DEPDC5: variants seen among roughly 807,000 people sequenced by gnomAD.
The protein encoded by DEPDC5 is DEP domain containing 5, GATOR1 subcomplex subunit.
A neutral mutation model predicts 217.3 loss-of-function variants in DEPDC5; 73 were observed. The ratio of observed to expected loss-of-function variants is 0.34; its 90% confidence interval spans 0.28 to 0.41. DEPDC5 has a LOEUF of 0.41. Among genes scored for constraint, DEPDC5 ranks in the 10% least tolerant of loss-of-function variants. DEPDC5 has a pLI of 1.00. For missense variants in DEPDC5, 1,675 were observed against 2,070.1 expected (o/e 0.81, Z 3.70); for synonymous variants, 733 against 756.7 (o/e 0.97, Z 0.51).
At chr22:31,779,711 C>T (rs564328306) in intron 8 of DEPDC5, among the ~76,000 whole-genome samples, 1 of 152,270 alleles carries the variant, frequency 6.6e-6, no homozygotes, top group Non-Finnish European at 1.5e-5. Context: ...CAAAGGTCAA[C>T]TTTTCTCTGT....
chr22:31,806,966 T>G (rs1003810212), intron 18 of DEPDC5, among the ~76,000 whole-genome samples: 1 of 152,218 alleles, frequency 6.6e-6, no homozygotes, highest in Non-Finnish European at 1.5e-5. Flanking sequence ...GAGCTATAAT[T>G]GCGCCATTGC....
At chr22:31,882,778 T>G (rs1193326288) in intron 38 of DEPDC5, among the ~76,000 whole-genome samples, 1 of 152,110 alleles carries the variant, frequency 6.6e-6, no homozygotes, top group Non-Finnish European at 1.5e-5. Context: ...CTCTTCTTTC[T>G]CCTCTTCTCT....
rs982263958 is a variant in DEPDC5 at position 31,842,995 on chromosome 22, A to G, written c.2516-100A>G. 1.3e-5 allele frequency: 11 copies of G among 838,326 alleles called. No homozygotes were observed. In the African/African-American group the frequency reaches 1.7e-4, roughly 13 times the overall value. The allele number at this position is 838,326 out of a possible 1,614,324, so 51.9% of individuals were successfully genotyped here. A position where few individuals can be genotyped will look rare whatever the true frequency, so the allele number is the denominator to read the frequency against. ...CTTCCATGAAACTGCCCCTAAGAGA[A>G]AGTGTTACATTGTTTTCTGAATCTA... On this transcript the variant is annotated intron_variant, in intron 27 of 42. Transcript: ENST00000651528.
chr22:31,848,828 C>A (rs182215227), intron 31 of DEPDC5, among the ~76,000 whole-genome samples: 1 of 152,306 alleles, frequency 6.6e-6, no homozygotes, highest in African/African-American at 2.4e-5. Flanking sequence ...TTATGCTCTG[C>A]TTCCTCTTGA....
intron 10 of DEPDC5, among the ~76,000 whole-genome samples, chr22:31,786,893 C>A (rs1208165686): frequency 1.3e-5 from 2 of 151,966 alleles, no homozygotes; most frequent in Non-Finnish European, 2.9e-5. Flanking sequence ...GTTCTCCTGC[C>A]TCACCCTCCT....
rs777976417 is a variant in DEPDC5 at position 31,792,007 on chromosome 22, C to A, written c.625-26C>A. The A allele has an allele frequency of 2.6e-6, 4 of 1,532,504 alleles. No individual in the cohort carries two copies. The Admixed American group carries it at 5.1e-5, about 20-fold the overall frequency. 94.9% of individuals were successfully genotyped at this position (1,532,504 alleles called of 1,614,324 possible). A position where few individuals can be genotyped will look rare whatever the true frequency, so the allele number is the denominator to read the frequency against. On this transcript the variant is annotated intron_variant, in intron 10 of 42. Coordinates refer to ENST00000651528, the MANE Select transcript of DEPDC5 (RefSeq NM_001242896.3). The stretch of plus-strand genomic sequence containing the variant: ...GTGAAGTAAATGAAACAAACTTCAA[C>A]CCTGTTGTTCTCTACTCATGCTTAG...
intron 15 of DEPDC5, among the ~76,000 whole-genome samples, chr22:31,803,713 A>G (rs1365398585): frequency 1.3e-5 from 2 of 152,066 alleles, no homozygotes; most frequent in Admixed American, 1.3e-4. Context: ...ACGCCACTGC[A>G]TGTCAGCCTG....
At position 31,764,447 on chromosome 22, in the gene DEPDC5, A is replaced by G. The variant is rs562401533; in HGVS notation, c.194-528A>G. 3.3e-5 allele frequency among the ~76,000 whole-genome samples: 5 copies of G among 151,766 alleles called. No individual in the cohort carries two copies. The East Asian group carries it at 9.8e-4, about 30-fold the overall frequency. On this transcript the variant is annotated intron_variant, in intron 4 of 42. Coordinates refer to ENST00000651528, the MANE Select transcript of DEPDC5 (RefSeq NM_001242896.3). ...TATTTATTTATTGAGACAGAGTCTC[A>G]TTCTGTCACCCAGGTTGGAGTGCAG...
chr22:31,855,681 T>G lies in DEPDC5; in HGVS notation c.3156-1764T>G, dbSNP rs928003726. Among the ~76,000 whole-genome samples, 3 of 152,102 alleles carry G rather than the reference T, an allele frequency of 2.0e-5. No homozygotes were observed. The East Asian group carries it at 5.8e-4, about 29-fold the overall frequency. The stretch of plus-strand genomic sequence containing the variant: ...GCGTGAGCCACTGCGCCTGGCCAAC[T>G]TCAAAATATTTCATGTGGGTAGGCA... On this transcript the variant is annotated intron_variant, in intron 31 of 42. Transcript: ENST00000651528.
intron 38 of DEPDC5, chr22:31,880,190 GTC>G (rs144285418): frequency 2.2e-3 from 399 of 183,926 alleles, no homozygotes; most frequent in South Asian, 4.4e-3. Flanking sequence ...CAGAGCAAAA[GTC>G]TCTCTCTCTC....
chr22:31,861,713 C>G lies in DEPDC5; in HGVS notation c.3330+280C>G, dbSNP rs568185210. On this transcript the variant is annotated intron_variant, in intron 33 of 42. Transcript: ENST00000651528. ...CACATAGTTGTCACTGATTCTCTGC[C>G]ACTTTGCAGCATCTTCACTTTTAGG... 3.3e-5 allele frequency among the ~76,000 whole-genome samples: 5 copies of G among 152,300 alleles called. No homozygotes were observed. The East Asian group carries it at 9.6e-4, about 29-fold the overall frequency.
At chr22:31,788,213 G>A (rs1314551291) in intron 10 of DEPDC5, among the ~76,000 whole-genome samples, 1 of 149,338 alleles carries the variant, frequency 6.7e-6, no homozygotes, top group Non-Finnish European at 1.5e-5. Context: ...TTAGGAAAAT[G>A]CAACCTAATA....
At chr22:31,778,252 G>A in intron 8 of DEPDC5, 84 bp downstream of exon 8, 5 of 1,389,612 alleles carry the variant, frequency 3.6e-6, no homozygotes, top group Non-Finnish European at 5.1e-6. Flanking sequence ...AACAAGGGCG[G>A]GGCAGGACAC....
intron 31 of DEPDC5, among the ~76,000 whole-genome samples, chr22:31,847,305 G>T (rs1417386078): frequency 1.3e-5 from 2 of 151,886 alleles, no homozygotes; most frequent in Admixed American, 6.6e-5. Flanking sequence ...ATCACTTGAG[G>T]CCAGGAGTTT....
chr22:31,755,931 GGC>G (rs2075289264), intron 2 of DEPDC5, among the ~76,000 whole-genome samples: 1 of 151,072 alleles, frequency 6.6e-6, no homozygotes, highest in African/African-American at 2.4e-5. Flanking sequence ...GGAGTGCAGT[GGC>G]GTGATCTCAG....
chr22:31,860,341 G>A (rs894691161), intron 32 of DEPDC5, among the ~76,000 whole-genome samples: 4 of 152,170 alleles, frequency 2.6e-5, no homozygotes, highest in East Asian at 1.9e-4. Context: ...AGTCACTTAC[G>A]GGAAGTGGCA....
intron 7 of DEPDC5, among the ~76,000 whole-genome samples, chr22:31,776,174 C>T (rs374709409): frequency 2.0e-5 from 3 of 151,448 alleles, no homozygotes; most frequent in South Asian, 2.1e-4. Context: ...TGCAGTGGTG[C>T]GATCACAGCT....
chr22:31,865,210 G>A (rs889429270), intron 33 of DEPDC5, among the ~76,000 whole-genome samples: 6 of 152,126 alleles, frequency 3.9e-5, no homozygotes, highest in African/African-American at 9.7e-5. Context: ...TATAAGTAAC[G>A]CCAGGCGCAG....
chr22:31,770,503 C>T (rs1479437097), intron 7 of DEPDC5, among the ~76,000 whole-genome samples: 1 of 150,540 alleles, frequency 6.6e-6, no homozygotes, highest in African/African-American at 2.4e-5. Context: ...GCCTCAGCCT[C>T]GTGAGTTGCT....
Sources: gnomAD v4.1 joint callset for allele counts (sites outside exome capture counted in the v4.1 genomes callset) on GRCh38, gnomAD v4.1.1 for gene constraint, MANE v1.5 for transcripts, NCBI Gene and HGNC (gene_info 2026-07-23, HGNC 2026-07-21) for gene names.